Variants in EFR3A observed in about 807,000 individuals in gnomAD.
The protein encoded by EFR3A is EFR3 homolog A, also known as protein EFR3 homolog A.
Under a neutral mutation model 104.4 loss-of-function variants are expected in EFR3A, and 76 were observed. That is an observed-to-expected ratio of 0.73 (90% confidence interval 0.60 to 0.88). The LOEUF (loss-of-function observed/expected upper bound fraction) is 0.88. Among genes scored for constraint, EFR3A ranks in the 40% least tolerant of loss-of-function variants. EFR3A has a pLI of 0.00. For synonymous variants in EFR3A, 330 were observed against 330.0 expected, an observed-to-expected ratio of 1.00 and a Z score of 0.00; for missense variants, 985 against 1,012.5, an observed-to-expected ratio of 0.97 and a Z score of 0.37.
At chr8:131,928,630 A>G (rs978015931) in intron 1 of EFR3A, among the ~76,000 whole-genome samples, 2 of 152,126 alleles carry the variant, frequency 1.3e-5, no homozygotes, top group African/African-American at 2.4e-5. Context: ...GGTCTATAGA[A>G]CAATGATTTT....
chr8:131,912,084 A>C (rs1195634903), intron 1 of EFR3A, among the ~76,000 whole-genome samples: 2 of 152,194 alleles, frequency 1.3e-5, no homozygotes, highest in Admixed American at 6.5e-5. Context: ...ACTGAGAGAC[A>C]GGAAGGCAGG....
intron 1 of EFR3A, among the ~76,000 whole-genome samples, chr8:131,911,151 G>C (rs1277424376): frequency 6.6e-6 from 1 of 152,120 alleles, no homozygotes; most frequent in Admixed American, 6.6e-5. Context: ...GAAAAATGAA[G>C]TAAATCACCA....
At chr8:131,994,250 A>G (rs1586666981) in intron 18 of EFR3A, among the ~76,000 whole-genome samples, 3 of 145,618 alleles carry the variant, frequency 2.1e-5, no homozygotes, top group Admixed American at 6.9e-5. Context: ...TCTCAGGAAG[A>G]AAAAAAAAAA....
chr8:131,911,617 G>C (rs961553007), intron 1 of EFR3A, among the ~76,000 whole-genome samples: 1 of 152,136 alleles, frequency 6.6e-6, no homozygotes, highest in African/African-American at 2.4e-5. Flanking sequence ...TTGGAGAAAA[G>C]GCATACAAAT....
chr8:131,962,560 C>T (rs543814016), intron 8 of EFR3A, among the ~76,000 whole-genome samples: 2 of 152,282 alleles, frequency 1.3e-5, no homozygotes, highest in Non-Finnish European at 1.5e-5. Context: ...ATTCATAAAG[C>T]AAGTCGTTAG....
intron 4 of EFR3A, 109 bp downstream of exon 4, chr8:131,946,742 T>G: frequency 5.8e-6 from 6 of 1,032,480 alleles, no homozygotes; most frequent in Non-Finnish European, 6.6e-6. Flanking sequence ...GAATAGGGCA[T>G]TTGAACAGTC....
intron 2 of EFR3A, among the ~76,000 whole-genome samples, chr8:131,940,906 C>T (rs940653303): frequency 2.0e-5 from 3 of 151,954 alleles, no homozygotes; most frequent in African/African-American, 4.8e-5. Context: ...ACTAAGTGCT[C>T]ATGATACCAC....
At chr8:131,965,549 A>T (rs543411476) in intron 8 of EFR3A, among the ~76,000 whole-genome samples, 40 of 152,350 alleles carry the variant, frequency 2.6e-4, no homozygotes, top group South Asian at 8.3e-4. Flanking sequence ...ATCATTAAAA[A>T]GTCAGGAAAC....
intron 3 of EFR3A, 117 bp from the exon 4 acceptor site, chr8:131,946,366 T>G: frequency 1.0e-6 from 1 of 976,044 alleles, no homozygotes. Flanking sequence ...GTTACTAAAT[T>G]TGCATTTCTT....
intron 14 of EFR3A, among the ~76,000 whole-genome samples, chr8:131,981,021 T>TTATATATATATATATATA (rs762282805): frequency 7.9e-6 from 1 of 126,028 alleles, no homozygotes; most frequent in African/African-American, 2.8e-5. Context: ...GTATTTCATT[T>TTATATATATATATATATA]TATATATATA....
At chr8:131,932,248 A>G (rs566084978) in intron 1 of EFR3A, among the ~76,000 whole-genome samples, 8 of 152,166 alleles carry the variant, frequency 5.3e-5, no homozygotes, top group South Asian at 4.1e-4. Flanking sequence ...TTTTTAATTT[A>G]CCTTAATAGT....
At chr8:131,921,116 G>A (rs1343891689) in intron 1 of EFR3A, among the ~76,000 whole-genome samples, 1 of 152,168 alleles carries the variant, frequency 6.6e-6, no homozygotes, top group African/African-American at 2.4e-5. Flanking sequence ...GTATTAGTTT[G>A]CTGAGCTGTT....
intron 1 of EFR3A, among the ~76,000 whole-genome samples, chr8:131,907,656 G>C (rs975244454): frequency 6.6e-6 from 1 of 152,116 alleles, no homozygotes; most frequent in Non-Finnish European, 1.5e-5. Flanking sequence ...ATAAAAGAGG[G>C]TTGCTGATTG....
At chr8:131,932,647 G>T (rs1817664947) in intron 1 of EFR3A, among the ~76,000 whole-genome samples, 1 of 152,076 alleles carries the variant, frequency 6.6e-6, no homozygotes, top group Non-Finnish European at 1.5e-5. Flanking sequence ...AGACATGGAA[G>T]TAAGTTCCTA....
chr8:131,988,444 A>T (rs557485604), intron 18 of EFR3A, among the ~76,000 whole-genome samples: 9 of 152,032 alleles, frequency 5.9e-5, no homozygotes, highest in African/African-American at 1.9e-4. Flanking sequence ...GTCTTTGTAA[A>T]TGGCTTTTTT....
At chr8:131,947,143 T>C (rs4269523) in intron 4 of EFR3A, among the ~76,000 whole-genome samples, 152,166 of 152,190 alleles carry the variant, frequency 1, 76,071 homozygotes, top group Middle Eastern at 1. Flanking sequence ...CCACCACCAA[T>C]ATATGAGTGT....
At chr8:131,947,594 T>C (rs1006332723) in intron 4 of EFR3A, among the ~76,000 whole-genome samples, 2 of 151,778 alleles carry the variant, frequency 1.3e-5, no homozygotes, top group Non-Finnish European at 2.9e-5. Context: ...CAGGTATGCT[T>C]TCAGTTTCAT....
intron 7 of EFR3A, among the ~76,000 whole-genome samples, chr8:131,957,599 C>T (rs961486873): frequency 6.6e-6 from 1 of 152,138 alleles, no homozygotes; most frequent in African/African-American, 2.4e-5. Context: ...ATCTGCCTGC[C>T]TTGGCATCCC....
In EFR3A at chr8:131,940,500, A is replaced by C; in HGVS notation, c.12A>C (p.Arg4=). ...TCTTGATTTTTTTTTTTTTAACAGG[A>C]GTATGCTGCTGCTGTTCCGCTTTGC... MPT[R]VCCCCSALRP... Residue 4 remains arginine, a splice_region_variant and synonymous_variant, in exon 2 of 23, where the codon CGA becomes CGC. Coordinates refer to ENST00000254624, the MANE Select transcript of EFR3A (RefSeq NM_015137.6). The C allele has an allele frequency of 6.3e-7, 1 of 1,592,428 alleles. No individual in the cohort carries two copies. The highest frequency in any genetic ancestry group is 1.1e-5 in the South Asian group (1 of 88,152).
Sources: gnomAD v4.1 joint callset for allele counts (sites outside exome capture counted in the v4.1 genomes callset) on GRCh38, gnomAD v4.1.1 for gene constraint, MANE v1.5 for transcripts, NCBI Gene and HGNC (gene_info 2026-07-23, HGNC 2026-07-21) for gene names.